The following HMX2 variants were observed in gnomAD, a reference collection of about 807,000 sequenced individuals.
HMX2 encodes the protein H6 family homeobox 2, also known as homeobox protein HMX2.
HMX2 carries 15 observed loss-of-function variants against 21.2 expected under a neutral mutation model. The ratio of observed to expected loss-of-function variants is 0.71; its 90% CI spans 0.47 to 1.09. The LOEUF is 1.09. Ranked by LOEUF, HMX2 falls within the 50% of genes least tolerant of loss-of-function variation. HMX2 has a pLI of 0.00. For missense variants in HMX2, 440 were observed against 381.5 expected (o/e 1.15, Z -1.28); for synonymous variants, 193 against 181.0 (o/e 1.07, Z -0.53).
chr10:123,149,904 C>G lies in HMX2; in HGVS notation c.603C>G (p.Arg201=), dbSNP rs1844251181. 6 of 1,612,854 alleles carry G rather than the reference C, an allele frequency of 3.7e-6. No individual in the cohort carries two copies. The highest frequency in any genetic ancestry group is 5.1e-6 in the Non-Finnish European group (6 of 1,179,870). The change falls in exon 2 of 2, where the codon CGC becomes CGG. Residue 201 remains arginine, a synonymous_variant. Transcript: ENST00000339992. The surrounding 1 kb of genome is among the most constrained non-coding windows in gnomAD (Gnocchi z 5.4). ...TAAAGACTTGGTTCCAGAACCGCCG[C>G]AACAAGTGGAAGCGGCAGCTCTCGG... ...TQVKTWFQNR[R]NKWKRQLSAE...
rs1589683637 is a variant in HMX2 at position 123,148,660 on chromosome 10, G to T, written c.268+14G>T. On this transcript the variant is annotated intron_variant, in intron 1 of 1. Transcript: ENST00000339992. ...TTCCTTGCCTGGGTAAGGATCGCACGTCGCCAGTGTGGCAGCGAGCGAGCG... is the reference window on the plus strand; with the variant it reads ...TTCCTTGCCTGGGTAAGGATCGCACTTCGCCAGTGTGGCAGCGAGCGAGCG... The T allele has an allele frequency of 6.3e-7, 1 of 1,599,866 alleles. No homozygotes were observed. Among genetic ancestry groups the T allele is most frequent in the Non-Finnish European group, 8.5e-7 (1 of 1,175,414 alleles).
intron 1 of HMX2, among the ~76,000 whole-genome samples, chr10:123,148,898 C>T (rs555626284): frequency 2.6e-5 from 4 of 152,296 alleles, no homozygotes; most frequent in African/African-American, 9.6e-5. Flanking sequence ...TGGACCACAG[C>T]GAGAGGGACA....
chr10:123,150,244 A>AT lies in HMX2; in HGVS notation c.*123dup. On this transcript the variant is annotated 3_prime_UTR_variant, in exon 2 of 2. Transcript: ENST00000339992. This position sits in a 1 kb window ranked among gnomAD's most constrained non-coding sequence, Gnocchi z 4.2. ...AAATATGAAGAAATACACCATGTGT[A>AT]TTCATTAGCTCTTATTTATGGTCTC... The AT allele has an allele frequency of 8.9e-6, 7 of 782,716 alleles. No homozygotes were observed. The highest frequency in any genetic ancestry group is 1.8e-5 in the African/African-American group (1 of 57,100). The allele number at this position is 782,716 out of a possible 1,614,324, so 48.5% of individuals were successfully genotyped here. A position where few individuals can be genotyped will look rare whatever the true frequency, so the allele number is the denominator to read the frequency against.
Position 123,149,299 on chromosome 10 carries a change from C to A in HMX2, c.269-271C>A, listed in dbSNP as rs193292827. ...TTTAAAACCATGCTAATGTTTCCCC[C>A]TCCAGACCTCCTCTCCCTGTTGCCC... On this transcript the variant is annotated intron_variant, in intron 1 of 1. Coordinates refer to ENST00000339992, the MANE Select transcript of HMX2 (RefSeq NM_005519.2). This position sits in a 1 kb window ranked among gnomAD's most constrained non-coding sequence, Gnocchi z 5.4. Among the ~76,000 whole-genome samples the A allele has an allele frequency of 1.8e-3, 278 of 152,332 alleles. 1 individual carries two copies. Among genetic ancestry groups the A allele is most frequent in the Non-Finnish European group, 3.1e-3 (210 of 68,030 alleles).
In HMX2 at chr10:123,149,668, C is replaced by G; in HGVS notation, c.367C>G (p.Leu123Val). Residue 123 changes from leucine (L) to valine (V), a missense_variant, in exon 2 of 2, where the codon CTC (leucine) becomes GTC (valine). Transcript: ENST00000339992. The surrounding 1 kb of genome is among the most constrained non-coding windows in gnomAD (Gnocchi z 5.4). ...HSDFKEEKER[L>V]LPAGSPSPGS... is the part of the protein sequence containing the mutation. ...GGACTTTAAAGAAGAGAAAGAGAGG[C>G]TCCTGCCCGCGGGCTCGCCCTCGCC... 2.6e-6 allele frequency: 4 copies of G among 1,563,356 alleles called. No individual in the cohort carries two copies. Among genetic ancestry groups the G allele is most frequent in the Non-Finnish European group, 2.6e-6 (3 of 1,160,522 alleles).
rs1229916600 is a variant in HMX2 at position 123,150,149 on chromosome 10, C to T, written c.*26C>T. 6 of 1,498,576 alleles carry T rather than the reference C, an allele frequency of 4.0e-6. No individual in the cohort carries two copies. In the East Asian group the frequency reaches 9.8e-5, roughly 25 times the overall value. 92.8% of individuals were successfully genotyped at this position (1,498,576 alleles called of 1,614,324 possible). On this transcript the variant is annotated 3_prime_UTR_variant, in exon 2 of 2. Coordinates refer to ENST00000339992, the MANE Select transcript of HMX2 (RefSeq NM_005519.2). This position sits in a 1 kb window ranked among gnomAD's most constrained non-coding sequence, Gnocchi z 4.2. ...CCGGCCCGCCGCCCCGCGCCGCCCCCAGCTGCCCGCAGAGCCGGGCGCGTA... is the reference window on the plus strand; with the variant it reads ...CCGGCCCGCCGCCCCGCGCCGCCCCTAGCTGCCCGCAGAGCCGGGCGCGTA...
Position 123,150,046 on chromosome 10 carries a change from C to T in HMX2, c.745C>T (p.Pro249Ser), listed in dbSNP as rs746125349. ...RVPVPRSLAF[P>S]APLYYPGSNL... ...GCCGGTGCCGCGCTCGCTCGCCTTT[C>T]CCGCGCCGCTCTACTACCCGGGAAG... The change falls in exon 2 of 2, where the codon CCC (proline) becomes TCC (serine). Residue 249 changes from proline (P) to serine (S), a missense_variant. By Grantham distance (74) the Pro-to-Ser change is moderately conservative. Transcript: ENST00000339992. The surrounding 1 kb of genome is among the most constrained non-coding windows in gnomAD (Gnocchi z 4.2). 4 of 1,604,078 alleles carry T rather than the reference C, an allele frequency of 2.5e-6. No homozygotes were observed. In the South Asian group the frequency reaches 3.3e-5, roughly 13 times the overall value.
In HMX2 at chr10:123,148,176, C is replaced by G; in HGVS notation, c.-203C>G. On this transcript the variant is annotated 5_prime_UTR_variant, in exon 1 of 2. Coordinates refer to ENST00000339992, the MANE Select transcript of HMX2 (RefSeq NM_005519.2). ...CTGGGCGGGCGCACCCAGAGCCAGG[C>G]GGGCAGGAACCCCTGCGCAGCCATC... 1.7e-6 allele frequency: 1 copy of G among 577,940 alleles called. No individual in the cohort carries two copies. Among genetic ancestry groups the G allele is most frequent in the South Asian group, 2.3e-5 (1 of 44,406 alleles). 35.8% of individuals were successfully genotyped at this position (577,940 alleles called of 1,614,324 possible). A position where few individuals can be genotyped will look rare whatever the true frequency, so the allele number is the denominator to read the frequency against.
In HMX2 at chr10:123,149,614, C is replaced by G. The variant is rs550175509; in HGVS notation, c.313C>G (p.Arg105Gly). ...AGGCTCGGGCCCGGGCGGCTTGGAGCGCACGCCTTTCCTCTCTCCTTCGCA... is the reference window on the plus strand; with the variant it reads ...AGGCTCGGGCCCGGGCGGCTTGGAGGGCACGCCTTTCCTCTCTCCTTCGCA... ...SGGSGPGGLE[R>G]TPFLSPSHSD... is the part of the protein sequence containing the mutation. The change falls in exon 2 of 2, where the codon CGC becomes GGC. Residue 105 changes from arginine (R) to glycine (G), a missense_variant. By Grantham distance (125) the Arg-to-Gly change is moderately radical (BLOSUM62 -2). Transcript: ENST00000339992. This position sits in a 1 kb window ranked among gnomAD's most constrained non-coding sequence, Gnocchi z 5.4. 1 of 1,479,864 alleles carries G rather than the reference C, an allele frequency of 6.8e-7. No homozygotes were observed. The highest frequency in any genetic ancestry group is 2.6e-5 in the Admixed American group (1 of 37,952). 91.7% of individuals were successfully genotyped at this position (1,479,864 alleles called of 1,614,324 possible). A position where few individuals can be genotyped will look rare whatever the true frequency, so the allele number is the denominator to read the frequency against.
chr10:123,149,756 C>T lies in HMX2; in HGVS notation c.455C>T (p.Thr152Met). ...ERQAGAAKKK[T>M]RTVFSRSQVY... ...CAGGCCGGCGCGGCCAAGAAGAAGA[C>T]GCGCACCGTCTTTTCGCGCAGCCAG... is the stretch of plus-strand genomic sequence containing the variant. Residue 152 changes from threonine (T) to methionine (M), a missense_variant, in exon 2 of 2, where the codon ACG becomes ATG. Thr to Met is a moderately conservative substitution (Grantham distance 81). Coordinates refer to ENST00000339992, the MANE Select transcript of HMX2 (RefSeq NM_005519.2). The surrounding 1 kb of genome is among the most constrained non-coding windows in gnomAD (Gnocchi z 5.4). The T allele has an allele frequency of 6.3e-7, 1 of 1,579,510 alleles. No individual in the cohort carries two copies. Among genetic ancestry groups the T allele is most frequent in the Non-Finnish European group, 8.6e-7 (1 of 1,163,820 alleles).
rs906074594 is a variant in HMX2 at position 123,148,248 on chromosome 10, G to A, written c.-131G>A. On this transcript the variant is annotated 5_prime_UTR_variant, in exon 1 of 2. Transcript: ENST00000339992. Reference sequence around the variant, plus strand: ...GCGGAAGGGACGCCTCACCAGCCTCGGCGCCCCCTCCCCCTAGATTTCCTC... The same window carrying A: ...GCGGAAGGGACGCCTCACCAGCCTCAGCGCCCCCTCCCCCTAGATTTCCTC... 8.6e-6 allele frequency: 8 copies of A among 929,442 alleles called. No homozygotes were observed. Among genetic ancestry groups the A allele is most frequent in the Non-Finnish European group, 1.3e-5 (8 of 605,214 alleles). 57.6% of individuals were successfully genotyped at this position (929,442 alleles called of 1,614,324 possible).
chr10:123,148,592 G>T lies in HMX2; in HGVS notation c.214G>T (p.Gly72Cys), dbSNP rs369005055. 13 of 1,612,822 alleles carry T rather than the reference G, an allele frequency of 8.1e-6. No homozygotes were observed. In the Admixed American group the frequency reaches 2.0e-4, roughly 25 times the overall value. ...CGCCTGCTTCTGCCCAGACCAGCAC[G>T]GCCCTAAGGAGCAGGGCCCCAAGCA... Reference protein sequence around the residue: ...APACFCPDQHGPKEQGPKHHP... With the variant: ...APACFCPDQHCPKEQGPKHHP... Residue 72 changes from glycine to cysteine, a missense_variant, in exon 1 of 2, where the codon GGC (glycine) becomes TGC (cysteine). Physicochemically the swap from Gly to Cys is radical, Grantham distance 159. Coordinates refer to ENST00000339992, the MANE Select transcript of HMX2 (RefSeq NM_005519.2).
Position 123,149,976 on chromosome 10 carries a change from G to C in HMX2, c.675G>C (p.Leu225=). The C allele has an allele frequency of 1.9e-6, 3 of 1,611,704 alleles. No homozygotes were observed. Among genetic ancestry groups the C allele is most frequent in the Non-Finnish European group, 2.5e-6 (3 of 1,179,504 alleles). ...TGGCGCACGCGTCGGCGCAGACTCT[G>C]GTGAGCATGCCGCTGGTGTTCCGGG... is the stretch of plus-strand genomic sequence containing the variant. ...ANMAHASAQT[L]VSMPLVFRDS... is the part of the protein sequence containing the mutation. Residue 225 remains leucine, a synonymous_variant, in exon 2 of 2, where the codon CTG becomes CTC. Coordinates refer to ENST00000339992, the MANE Select transcript of HMX2 (RefSeq NM_005519.2). This position sits in a 1 kb window ranked among gnomAD's most constrained non-coding sequence, Gnocchi z 5.4.
Position 123,149,950 on chromosome 10 carries a change from A to G in HMX2, c.649A>G (p.Met217Val), listed in dbSNP as rs1176624748. 9.3e-6 allele frequency: 15 copies of G among 1,612,020 alleles called. No homozygotes were observed. The highest frequency in any genetic ancestry group is 2.2e-5 in the South Asian group (2 of 90,960). ...CTCGGCTGAGCTGGAGGCGGCCAACATGGCGCACGCGTCGGCGCAGACTCT... is the reference window on the plus strand; with the variant it reads ...CTCGGCTGAGCTGGAGGCGGCCAACGTGGCGCACGCGTCGGCGCAGACTCT... ...QLSAELEAANMAHASAQTLVS... is the reference protein window; with the variant it reads ...QLSAELEAANVAHASAQTLVS... Residue 217 changes from methionine (M) to valine (V), a missense_variant, in exon 2 of 2, where the codon ATG becomes GTG. Transcript: ENST00000339992. This position sits in a 1 kb window ranked among gnomAD's most constrained non-coding sequence, Gnocchi z 5.4.
At position 123,149,741 on chromosome 10, in the gene HMX2, C is replaced by G; in HGVS notation, c.440C>G (p.Ala147Gly). ...GGCGGCGCTGAGCGGCAGGCCGGCG[C>G]GGCCAAGAAGAAGACGCGCACCGTC... ...RDGGAERQAGAAKKKTRTVFS... is the reference protein window; with the variant it reads ...RDGGAERQAGGAKKKTRTVFS... The change falls in exon 2 of 2, where the codon GCG becomes GGG. Residue 147 changes from alanine (A) to glycine (G), a missense_variant. By Grantham distance (60) the Ala-to-Gly change is moderately conservative (BLOSUM62 0). Coordinates refer to ENST00000339992, the MANE Select transcript of HMX2 (RefSeq NM_005519.2). This position sits in a 1 kb window ranked among gnomAD's most constrained non-coding sequence, Gnocchi z 5.4. 5 of 1,536,510 alleles carry G rather than the reference C, an allele frequency of 3.3e-6. No individual in the cohort carries two copies. The highest frequency in any genetic ancestry group is 1.8e-4 in the Middle Eastern group (1 of 5,696).
rs903079181 is a variant in HMX2 at position 123,150,045 on chromosome 10, T to C, written c.744T>C (p.Phe248=). 6 of 1,604,182 alleles carry C rather than the reference T, an allele frequency of 3.7e-6. No individual in the cohort carries two copies. In the African/African-American group the frequency reaches 8.0e-5, roughly 21 times the overall value. ...TGCCGGTGCCGCGCTCGCTCGCCTT[T>C]CCCGCGCCGCTCTACTACCCGGGAA... ...LRVPVPRSLA[F]PAPLYYPGSN... is the part of the protein sequence containing the mutation. Residue 248 remains phenylalanine, a synonymous_variant, in exon 2 of 2, where the codon TTT becomes TTC. Transcript: ENST00000339992. The surrounding 1 kb of genome is among the most constrained non-coding windows in gnomAD (Gnocchi z 4.2).
chr10:123,150,465 A>C lies in HMX2; in HGVS notation c.*342A>C. The stretch of plus-strand genomic sequence containing the variant: ...GAAAAAAATCAGGAAAACACCTACA[A>C]AACCAGGTACACTCCTCCCCCATAT... On this transcript the variant is annotated 3_prime_UTR_variant, in exon 2 of 2. Transcript: ENST00000339992. The surrounding 1 kb of genome is among the most constrained non-coding windows in gnomAD (Gnocchi z 4.2). The C allele has an allele frequency of 4.7e-6, 1 of 214,448 alleles. No homozygotes were observed. The highest frequency in any genetic ancestry group is 5.4e-5 in the Admixed American group (1 of 18,486). The allele number at this position is 214,448 out of a possible 1,614,324, so 13.3% of individuals were successfully genotyped here. A position where few individuals can be genotyped will look rare whatever the true frequency, so the allele number is the denominator to read the frequency against.
chr10:123,149,866 A>ACGG lies in HMX2; in HGVS notation c.566_568dup (p.Thr189_Glu190insAla). The ACGG allele has an allele frequency of 1.2e-6, 2 of 1,612,894 alleles. No individual in the cohort carries two copies. The highest frequency in any genetic ancestry group is 8.5e-7 in the Non-Finnish European group (1 of 1,179,918). On this transcript the variant is annotated inframe_insertion, in exon 2 of 2. Transcript: ENST00000339992. The surrounding 1 kb of genome is among the most constrained non-coding windows in gnomAD (Gnocchi z 5.4). ...CTGCCTCGCCTCCAGCCTGCAGCTC[A>ACGG]CGGAGACCCAGGTAAAGACTTGGTT...
In HMX2 at chr10:123,149,642, C is replaced by A; in HGVS notation, c.341C>A (p.Ser114Ter). ...ERTPFLSPSH[S>*]DFKEEKERLL... ...ACGCCTTTCCTCTCTCCTTCGCACT[C>A]GGACTTTAAAGAAGAGAAAGAGAGG... is the stretch of plus-strand genomic sequence containing the variant. The change falls in exon 2 of 2, where the codon TCG (serine) becomes TAG (stop). Residue 114 changes from serine (S) to a stop codon, truncating the protein, a stop_gained. Transcript: ENST00000339992. LOFTEE classifies it high-confidence loss of function. This position sits in a 1 kb window ranked among gnomAD's most constrained non-coding sequence, Gnocchi z 5.4. The A allele has an allele frequency of 6.5e-7, 1 of 1,534,200 alleles. No individual in the cohort carries two copies.
Sources: allele counts gnomAD v4.1 joint callset (sites outside exome capture counted in the v4.1 genomes callset), GRCh38; gene constraint gnomAD v4.1.1; non-coding constraint Gnocchi (gnomAD v3.1); transcripts MANE v1.5; gene names NCBI Gene and HGNC (gene_info 2026-07-23, HGNC 2026-07-21).